The following GPR155 variants were observed in gnomAD, a reference collection of about 807,000 sequenced individuals.
The protein encoded by GPR155 is G protein-coupled receptor 155, also known as lysosomal cholesterol signaling protein.
A neutral mutation model predicts 93.1 loss-of-function variants in GPR155; 65 were observed. That is an observed-to-expected ratio of 0.70 (90% confidence interval 0.57 to 0.86). The LOEUF is 0.86. GPR155 is among the 40% of genes least tolerant of loss of function. The pLI is 0.00. For synonymous variants in GPR155, 319 were observed against 360.1 expected (o/e 0.89, Z 1.29); for missense variants, 838 against 1,034.8 (o/e 0.81, Z 2.61).
At position 174,435,361 on chromosome 2, in the gene GPR155, T is replaced by C. The variant is rs1686745216; in HGVS notation, c.*755A>G. 6.6e-6 allele frequency: 1 copy of C among 152,210 alleles called. No homozygotes were observed. The highest frequency in any genetic ancestry group is 1.5e-5 in the Non-Finnish European group (1 of 68,036). The allele number at this position is 152,210 out of a possible 1,614,324, so 9.4% of individuals were successfully genotyped here. A position where few individuals can be genotyped will look rare whatever the true frequency, so the allele number is the denominator to read the frequency against. ...TACAGTATAACAACAACTATTTACA[T>C]AGCATTTACATTGTATTAGGCATTA... is the stretch of plus-strand genomic sequence containing the variant. On this transcript the variant is annotated 3_prime_UTR_variant, in exon 16 of 16. Coordinates refer to ENST00000392552, the MANE Select transcript of GPR155 (RefSeq NM_152529.7).
chr2:174,464,127 G>A (rs896232544), intron 7 of GPR155, among the ~76,000 whole-genome samples: 1 of 152,208 alleles, frequency 6.6e-6, no homozygotes, highest in Non-Finnish European at 1.5e-5. Context: ...CACTGAAGCT[G>A]TGAGAGCTCC....
At chr2:174,480,572 T>C (rs925908887) in intron 2 of GPR155, among the ~76,000 whole-genome samples, 4 of 152,208 alleles carry the variant, frequency 2.6e-5, no homozygotes, top group Non-Finnish European at 4.4e-5. Context: ...GATATGTCAA[T>C]ATCCCAAACT....
At chr2:174,459,312 C>T (rs1275731873) in intron 10 of GPR155, among the ~76,000 whole-genome samples, 1 of 152,058 alleles carries the variant, frequency 6.6e-6, no homozygotes, top group Non-Finnish European at 1.5e-5. Flanking sequence ...TAGTTAGGGC[C>T]TTCCTTCAGT....
chr2:174,482,557 T>G (rs1218063410), intron 1 of GPR155, among the ~76,000 whole-genome samples: 1 of 152,156 alleles, frequency 6.6e-6, no homozygotes, highest in Non-Finnish European at 1.5e-5. Context: ...ACCAATAACT[T>G]TTTTTTCTAA....
intron 15 of GPR155, among the ~76,000 whole-genome samples, chr2:174,437,794 G>C (rs1686833851): frequency 6.6e-6 from 1 of 151,392 alleles, no homozygotes; most frequent in Non-Finnish European, 1.5e-5. Context: ...ATGTTGGTCA[G>C]GCTGGTCTCG....
chr2:174,436,479 A>G lies in GPR155; in HGVS notation c.2313-63T>C, dbSNP rs887533219. The G allele has an allele frequency of 2.8e-6, 4 of 1,432,982 alleles. No homozygotes were observed. The African/African-American group carries it at 5.7e-5, about 20-fold the overall frequency. The allele number at this position is 1,432,982 out of a possible 1,614,324, so 88.8% of individuals were successfully genotyped here. ...ATCTGGTATCAGCACTGCATGATAG[A>G]GGACAAGCAAGAAAAAATAGAAGGA... On this transcript the variant is annotated intron_variant, in intron 15 of 15. Coordinates refer to ENST00000392552, the MANE Select transcript of GPR155 (RefSeq NM_152529.7).
chr2:174,438,219 G>C (rs77514256), intron 15 of GPR155, among the ~76,000 whole-genome samples: 2 of 151,986 alleles, frequency 1.3e-5, no homozygotes, highest in Non-Finnish European at 2.9e-5. Context: ...TGGGCGATGG[G>C]AGTAAGACTC....
chr2:174,485,238 A>G (rs1316623225), intron 1 of GPR155, among the ~76,000 whole-genome samples: 1 of 152,240 alleles, frequency 6.6e-6, no homozygotes, highest in Non-Finnish European at 1.5e-5. Context: ...GTGATGGTCA[A>G]ATAGTTGTAG....
chr2:174,453,823 A>G lies in GPR155; in HGVS notation c.1790T>C (p.Met597Thr), dbSNP rs1687404914. 1.2e-6 allele frequency: 2 copies of G among 1,612,382 alleles called. No individual in the cohort carries two copies. Among genetic ancestry groups the G allele is most frequent in the African/African-American group, 1.3e-5 (1 of 74,858 alleles). The change falls in exon 11 of 16, where the codon ATG becomes ACG. Residue 597 changes from methionine (M) to threonine (T), a missense_variant. Met to Thr is a moderately conservative substitution (Grantham distance 81, BLOSUM62 -1). Transcript: ENST00000392552. Reference sequence around the variant, plus strand: ...TGGGCAGTGTAATTCACCATTTCCCATGGAGCAGGAGCAGCAACCTATATC... The same window carrying G: ...TGGGCAGTGTAATTCACCATTTCCCGTGGAGCAGGAGCAGCAACCTATATC... ...IPETSCCSCSMGNGELHCPSI... is the reference protein window; with the variant it reads ...IPETSCCSCSTGNGELHCPSI...
intron 13 of GPR155, among the ~76,000 whole-genome samples, chr2:174,444,410 C>T (rs1346246370): frequency 7.3e-6 from 1 of 137,136 alleles, no homozygotes; most frequent in African/African-American, 2.6e-5. Flanking sequence ...AGCGAAACTC[C>T]GTCTCAAAAA....
intron 5 of GPR155, 110 bp from the exon 6 acceptor site, chr2:174,466,737 A>C: frequency 1.6e-6 from 1 of 614,788 alleles, no homozygotes; most frequent in Non-Finnish European, 2.9e-6. Flanking sequence ...CCTGGTTCGG[A>C]AAGAATTTCC....
chr2:174,446,694 C>T lies in GPR155; in HGVS notation c.1930G>A (p.Glu644Lys), dbSNP rs147745120. ...TCTCCACTCTGTAGATACTGTTCTT[C>T]TTCCTGGGCTAATATGCAGCTCTGG... is the stretch of plus-strand genomic sequence containing the variant. The part of the protein sequence containing the change: ...NSQSCILAQE[E>K]EQYLQSGDQQ... Residue 644 changes from glutamate (E) to lysine (K), a missense_variant, in exon 12 of 16, where the codon GAA becomes AAA. This residue lies in a region of GPR155 where 663 missense variants were observed against 790.1 expected (regional missense o/e 0.84). Transcript: ENST00000392552. 3.0e-5 allele frequency: 49 copies of T among 1,613,840 alleles called. No homozygotes were observed. The highest frequency in any genetic ancestry group is 4.0e-5 in the Non-Finnish European group (47 of 1,179,820).
chr2:174,439,818 T>G (rs1686899937), intron 15 of GPR155, 80 bp downstream of exon 15: 2 of 1,189,086 alleles, frequency 1.7e-6, no homozygotes, highest in African/African-American at 1.5e-5. Context: ...ACCACCTCAT[T>G]TAGCCTATTA....
Position 174,472,223 on chromosome 2 carries a change from T to C in GPR155, c.860+742A>G, listed in dbSNP as rs184623477. On this transcript the variant is annotated intron_variant, in intron 3 of 15. Coordinates refer to ENST00000392552, the MANE Select transcript of GPR155 (RefSeq NM_152529.7). Reference sequence around the variant, plus strand: ...GAGTTTGAGACCAGTCTGACCAACATGGTGAAATCCCGTCTCTACTAAAAA... The same window carrying C: ...GAGTTTGAGACCAGTCTGACCAACACGGTGAAATCCCGTCTCTACTAAAAA... Among the ~76,000 whole-genome samples the C allele has an allele frequency of 3.5e-4, 53 of 152,240 alleles. No individual in the cohort carries two copies. The East Asian group carries it at 9.6e-3, about 28-fold the overall frequency.
chr2:174,475,714 T>C (rs1234549716), intron 2 of GPR155, among the ~76,000 whole-genome samples: 1 of 152,210 alleles, frequency 6.6e-6, no homozygotes, highest in Non-Finnish European at 1.5e-5. Context: ...AGCAGCACTT[T>C]TGATAACTAT....
rs753246062 is a variant in GPR155, at chr2:174,481,654, G to A, written c.303C>T (p.Ser101=). Residue 101 remains serine (S), a synonymous_variant, in exon 2 of 16, where the codon TCC becomes TCT. Transcript: ENST00000392552. ...TGGCAATTAAGATACTATATAGGAA[G>A]GACCAGTCCACATTGGAAAAATTAA... ...VVLNFSNVDW[S]FLYSILIAKA... is the part of the protein sequence containing the mutation. 6.2e-7 allele frequency: 1 copy of A among 1,613,886 alleles called. No homozygotes were observed. The highest frequency in any genetic ancestry group is 8.5e-7 in the Non-Finnish European group (1 of 1,179,794).
intron 10 of GPR155, among the ~76,000 whole-genome samples, chr2:174,457,119 C>T (rs990391342): frequency 1.3e-5 from 2 of 152,154 alleles, no homozygotes; most frequent in Admixed American, 6.6e-5. Flanking sequence ...CGAGACCAGC[C>T]TGGCCAACAT....
At chr2:174,446,276 CAGCCTGGGCAACAGAGTTAG>C (rs1687122153) in intron 12 of GPR155, among the ~76,000 whole-genome samples, 1 of 138,170 alleles carries the variant, frequency 7.2e-6, no homozygotes, top group African/African-American at 2.7e-5. Flanking sequence ...CACTTCACTC[CAGCCTGGGCAACAGAGTTAG>C]ACTCTGTCTC....
intron 10 of GPR155, among the ~76,000 whole-genome samples, chr2:174,456,580 GGT>G (rs1687526352): frequency 6.6e-6 from 1 of 152,178 alleles, no homozygotes; most frequent in South Asian, 2.1e-4. Context: ...TAGAATTACA[GGT>G]GTGAAACACT....
Sources: allele counts gnomAD v4.1 joint callset (sites outside exome capture counted in the v4.1 genomes callset), GRCh38; gene constraint gnomAD v4.1.1; regional missense constraint gnomAD v4.1.1; transcripts MANE v1.5; gene names NCBI Gene and HGNC (gene_info 2026-07-23, HGNC 2026-07-21).